Variants in RANBP10 observed in about 807,000 individuals in gnomAD.
RANBP10 encodes the protein RAN binding protein 10.
In RANBP10, 24 loss-of-function variants were observed where a neutral mutation model predicts 72.8. That is an observed-to-expected ratio of 0.33 (90% CI 0.24 to 0.46). RANBP10 has a LOEUF of 0.46. Ranked by LOEUF, RANBP10 falls within the 20% of genes least tolerant of loss-of-function variation. The pLI is 1.00. For synonymous variants in RANBP10, 310 were observed against 322.3 expected (o/e 0.96, Z 0.41); for missense variants, 679 against 817.5 (o/e 0.83, Z 2.07).
intron 2 of RANBP10, among the ~76,000 whole-genome samples, chr16:67,783,256 C>T (rs1355004657): frequency 1.3e-5 from 2 of 152,172 alleles, no homozygotes; most frequent in Non-Finnish European, 2.9e-5. Context: ...CCCAGGCAGG[C>T]CTGGTGGTGG....
chr16:67,760,702 C>T (rs139722729), intron 3 of RANBP10, among the ~76,000 whole-genome samples: 245 of 152,328 alleles, frequency 1.6e-3, no homozygotes, highest in Middle Eastern at 6.8e-3. Flanking sequence ...TATGCTTCAA[C>T]GGGCCTGATG....
Position 67,742,205 on chromosome 16 carries a change from C to T in RANBP10, c.568+2083G>A, listed in dbSNP as rs1039530108. Among the ~76,000 whole-genome samples the T allele has an allele frequency of 3.3e-5, 5 of 151,978 alleles. No individual in the cohort carries two copies. The East Asian group carries it at 5.8e-4, about 18-fold the overall frequency. On this transcript the variant is annotated intron_variant, in intron 4 of 13. Transcript: ENST00000317506. ...GAATACAGGCGTGAGCCACCGCGCT[C>T]GGCCAACTTAGTGATTCTTAAATGG...
intron 4 of RANBP10, among the ~76,000 whole-genome samples, chr16:67,742,327 A>C (rs544413530): frequency 4.7e-4 from 72 of 152,336 alleles, no homozygotes; most frequent in Non-Finnish European, 8.7e-4. Flanking sequence ...TCATGAAAAC[A>C]TAAACACAAA....
chr16:67,800,643 C>G lies in RANBP10; in HGVS notation c.347+4785G>C, dbSNP rs537661833. ...GCAGTGCTCTGATGTCTCCTCACCC[C>G]ACCAGACCCGCTCCCCGAGTTCACA... On this transcript the variant is annotated intron_variant, in intron 2 of 13. Transcript: ENST00000317506. 1.8e-3 allele frequency among the ~76,000 whole-genome samples: 271 copies of G among 152,278 alleles called. 2 individuals are homozygous for G. Among genetic ancestry groups the G allele is most frequent in the Middle Eastern group, 6.8e-3 (2 of 294 alleles).
Position 67,796,949 on chromosome 16 carries a change from A to G in RANBP10, c.347+8479T>C, listed in dbSNP as rs185715558. 4.6e-5 allele frequency among the ~76,000 whole-genome samples: 7 copies of G among 152,296 alleles called. No individual in the cohort carries two copies. The East Asian group carries it at 1.2e-3, about 25-fold the overall frequency. ...CAGAGGAACATCTTTGCATTTAGAC[A>G]TAATTATCCATCCCTCTTCCACTGA... On this transcript the variant is annotated intron_variant, in intron 2 of 13. Transcript: ENST00000317506.
At chr16:67,765,209 A>C (rs2054477078) in intron 3 of RANBP10, among the ~76,000 whole-genome samples, 1 of 149,976 alleles carries the variant, frequency 6.7e-6, no homozygotes, top group Non-Finnish European at 1.5e-5. Flanking sequence ...CAAAAAAAAA[A>C]AAAAAAAAAA....
At chr16:67,784,819 A>G (rs1234383411) in intron 2 of RANBP10, among the ~76,000 whole-genome samples, 1 of 144,464 alleles carries the variant, frequency 6.9e-6, no homozygotes, top group East Asian at 2.0e-4. Context: ...AACTCCATCT[A>G]AAAAAAAAAA....
chr16:67,798,167 C>G (rs2055168121), intron 2 of RANBP10, among the ~76,000 whole-genome samples: 1 of 152,098 alleles, frequency 6.6e-6, no homozygotes, highest in Admixed American at 6.6e-5. Flanking sequence ...AGCTCAGCAT[C>G]TGCCTGTAAG....
At chr16:67,734,794 G>C (rs2053806654) in intron 6 of RANBP10, 64 bp downstream of exon 6, 4 of 1,428,940 alleles carry the variant, frequency 2.8e-6, no homozygotes, top group Admixed American at 2.7e-5. Flanking sequence ...AGCCCTACAG[G>C]GGCCTAGAGT....
chr16:67,747,770 G>A (rs1180750963), intron 3 of RANBP10, among the ~76,000 whole-genome samples: 1 of 148,988 alleles, frequency 6.7e-6, no homozygotes, highest in East Asian at 2.0e-4. Flanking sequence ...CTCCCAAAGT[G>A]TTGGGATTAT....
chr16:67,752,021 C>T (rs1305737320), intron 3 of RANBP10, among the ~76,000 whole-genome samples: 2 of 151,790 alleles, frequency 1.3e-5, no homozygotes, highest in Non-Finnish European at 2.9e-5. Context: ...ACCATCACCT[C>T]AGTTTGGCTA....
chr16:67,799,994 G>A (rs1378220829), intron 2 of RANBP10, among the ~76,000 whole-genome samples: 3 of 152,228 alleles, frequency 2.0e-5, no homozygotes, highest in South Asian at 2.1e-4. Context: ...GGTGGTGCAC[G>A]CCTGTAGTCC....
rs2053667117 is a variant in RANBP10 at position 67,729,015 on chromosome 16, C to CCAAAGAG, written c.1352+264_1352+265insCTCTTTG. Among the ~76,000 whole-genome samples, 6 of 152,368 alleles carry CCAAAGAG rather than the reference C, an allele frequency of 3.9e-5. No individual in the cohort carries two copies. In the South Asian group the frequency reaches 1.2e-3, roughly 32 times the overall value. ...TGGACCCTGAGGGTTCTCACAGGCC[C>CCAAAGAG]GGCCTCTTTGGAGGAGACCACATCC... On this transcript the variant is annotated intron_variant, in intron 10 of 13. Transcript: ENST00000317506. The surrounding 1 kb of genome is among the most constrained non-coding windows in gnomAD (Gnocchi z 7.1).
At chr16:67,795,596 G>T (rs896822442) in intron 2 of RANBP10, among the ~76,000 whole-genome samples, 2 of 151,482 alleles carry the variant, frequency 1.3e-5, no homozygotes, top group Admixed American at 1.3e-4. Context: ...GGCCGGGCGC[G>T]GTGGCTCACA....
intron 2 of RANBP10, among the ~76,000 whole-genome samples, chr16:67,776,590 T>C (rs976122127): frequency 2.7e-5 from 4 of 147,488 alleles, no homozygotes; most frequent in Non-Finnish European, 5.9e-5. Context: ...CTGGCCAACA[T>C]GGTGAAACCC....
At chr16:67,749,258 C>G (rs1597855330) in intron 3 of RANBP10, among the ~76,000 whole-genome samples, 1 of 152,268 alleles carries the variant, frequency 6.6e-6, no homozygotes, top group Admixed American at 6.5e-5. Flanking sequence ...GTCACAGCAC[C>G]CATCCCAAGC....
intron 2 of RANBP10, among the ~76,000 whole-genome samples, chr16:67,801,831 A>G (rs2055238961): frequency 6.6e-6 from 1 of 152,080 alleles, no homozygotes; most frequent in African/African-American, 2.4e-5. Flanking sequence ...ATGGTGGCTC[A>G]TGACTATAAT....
intron 2 of RANBP10, among the ~76,000 whole-genome samples, chr16:67,799,132 C>T (rs533022871): frequency 1.3e-5 from 2 of 151,958 alleles, no homozygotes; most frequent in East Asian, 1.9e-4. Context: ...GATGGGGTTT[C>T]GCCATGTTGG....
intron 11 of RANBP10, 107 bp downstream of exon 11, chr16:67,728,283 G>A (rs1567670593): frequency 1.6e-6 from 2 of 1,242,620 alleles, no homozygotes; most frequent in South Asian, 2.8e-5. Flanking sequence ...TCTGGCTGAA[G>A]CTTCTCAAGA....
Sources: allele counts gnomAD v4.1 joint callset (sites outside exome capture counted in the v4.1 genomes callset), GRCh38; gene constraint gnomAD v4.1.1; non-coding constraint Gnocchi (gnomAD v3.1); transcripts MANE v1.5; gene names NCBI Gene and HGNC (gene_info 2026-07-23, HGNC 2026-07-21).